The following SCFD2 variants were observed in gnomAD, a reference collection of about 807,000 sequenced individuals.
SCFD2 encodes sec1 family domain containing 2.
A neutral mutation model predicts 58.9 loss-of-function variants in SCFD2; 54 were observed. That is an observed-to-expected ratio of 0.92 (90% CI 0.74 to 1.15). The LOEUF (loss-of-function observed/expected upper bound fraction) is 1.15. SCFD2 is among the 50% of genes most tolerant of loss of function. The probability of loss-of-function intolerance (pLI) is 0.00; values close to 1 mark genes in which losing one functional copy is unlikely to be tolerated. For synonymous variants in SCFD2, 321 were observed against 335.9 expected, an observed-to-expected ratio of 0.96 and a Z score of 0.49; for missense variants, 805 against 836.6, an observed-to-expected ratio of 0.96 and a Z score of 0.47.
rs145004802 is a variant in SCFD2 at position 53,203,886 on chromosome 4, G to C, written c.1312-58304C>G. 3.5e-3 allele frequency among the ~76,000 whole-genome samples: 536 copies of C among 152,230 alleles called. 7 individuals carry two copies. Among genetic ancestry groups the C allele is most frequent in the African/African-American group, 0.013 (523 of 41,510 alleles). On this transcript the variant is annotated intron_variant, in intron 4 of 8. Transcript: ENST00000401642. Reference sequence around the variant, plus strand: ...CACTCAGCAGGAGGTTTCGTATCTGGAGAGAGTAAAATCACATTTTGGTCT... The same window carrying C: ...CACTCAGCAGGAGGTTTCGTATCTGCAGAGAGTAAAATCACATTTTGGTCT...
intron 8 of SCFD2, among the ~76,000 whole-genome samples, chr4:52,874,951 C>A (rs966745270): frequency 1.3e-5 from 2 of 152,190 alleles, no homozygotes; most frequent in African/African-American, 4.8e-5. Context: ...TTGTTAATTT[C>A]TATGATGTGC....
chr4:53,008,422 G>A (rs7688198), intron 5 of SCFD2, among the ~76,000 whole-genome samples: 70,983 of 151,944 alleles, frequency 0.47, 16,810 homozygotes, highest in African/African-American at 0.49. Flanking sequence ...GAAAGATGAA[G>A]CAAAAGGAGA....
At chr4:53,041,092 C>T (rs908812146) in intron 5 of SCFD2, among the ~76,000 whole-genome samples, 5 of 152,140 alleles carry the variant, frequency 3.3e-5, no homozygotes, top group East Asian at 3.8e-4. Flanking sequence ...GCAGCATATC[C>T]GTGCCATATG....
At chr4:52,980,420 C>T (rs760464960) in intron 5 of SCFD2, among the ~76,000 whole-genome samples, 1 of 152,152 alleles carries the variant, frequency 6.6e-6, no homozygotes, top group African/African-American at 2.4e-5. Context: ...CAGAGCATGA[C>T]TCAAACAGTG....
intron 5 of SCFD2, among the ~76,000 whole-genome samples, chr4:53,115,984 A>G (rs756298861): frequency 1.3e-5 from 2 of 152,122 alleles, no homozygotes; most frequent in Non-Finnish European, 2.9e-5. Flanking sequence ...TACTCTGCCC[A>G]TGAGCATTGG....
At chr4:53,191,963 T>C (rs925885213) in intron 4 of SCFD2, among the ~76,000 whole-genome samples, 8 of 152,168 alleles carry the variant, frequency 5.3e-5, no homozygotes, top group Admixed American at 4.6e-4. Context: ...TGTCCCCACA[T>C]GCCTTAACAG....
intron 2 of SCFD2, among the ~76,000 whole-genome samples, chr4:53,327,566 A>C (rs1432401222): frequency 1.3e-5 from 2 of 152,180 alleles, no homozygotes; most frequent in African/African-American, 4.8e-5. Context: ...CTCCATGCAG[A>C]GCATGGGGCA....
intron 4 of SCFD2, among the ~76,000 whole-genome samples, chr4:53,160,876 T>G (rs1726832509): frequency 6.6e-6 from 1 of 152,160 alleles, no homozygotes; most frequent in Non-Finnish European, 1.5e-5. Flanking sequence ...TAGTGAGAAA[T>G]AGTGAAGTCC....
intron 4 of SCFD2, among the ~76,000 whole-genome samples, chr4:53,241,539 T>C (rs1312639180): frequency 2.0e-5 from 3 of 152,150 alleles, no homozygotes; most frequent in Non-Finnish European, 4.4e-5. Context: ...AGCAGCGTGC[T>C]CCAGTAGAGC....
At chr4:52,897,273 G>T (rs1318495477) in intron 7 of SCFD2, among the ~76,000 whole-genome samples, 1 of 152,188 alleles carries the variant, frequency 6.6e-6, no homozygotes, top group African/African-American at 2.4e-5. Flanking sequence ...TGCCCATTCA[G>T]TATGATATTG....
chr4:53,177,857 C>A (rs1727392463), intron 4 of SCFD2, among the ~76,000 whole-genome samples: 1 of 152,238 alleles, frequency 6.6e-6, no homozygotes, highest in Non-Finnish European at 1.5e-5. Context: ...GAGATTATAT[C>A]CTGCACCTGG....
intron 6 of SCFD2, among the ~76,000 whole-genome samples, chr4:52,913,192 A>T (rs1156690698): frequency 6.6e-6 from 1 of 151,516 alleles, no homozygotes; most frequent in Non-Finnish European, 1.5e-5. Flanking sequence ...TTCCTGCTAC[A>T]CCAGGGATCC....
intron 4 of SCFD2, among the ~76,000 whole-genome samples, chr4:53,255,841 GC>G (rs1315008008): frequency 1.3e-5 from 2 of 149,250 alleles, no homozygotes; most frequent in African/African-American, 4.9e-5. Flanking sequence ...CGGGCGGGGG[GC>G]TGACCCCCCC....
At chr4:53,318,687 G>GAAAACATA (rs1732934642) in intron 2 of SCFD2, among the ~76,000 whole-genome samples, 1 of 150,996 alleles carries the variant, frequency 6.6e-6, no homozygotes, top group South Asian at 2.1e-4. Context: ...GGAACAGCTG[G>GAAAACATA]TCAACATCTT....
intron 4 of SCFD2, among the ~76,000 whole-genome samples, chr4:53,227,689 T>C (rs1577865840): frequency 6.6e-6 from 1 of 151,988 alleles, no homozygotes; most frequent in Admixed American, 6.6e-5. Context: ...GGCTGGAAAA[T>C]GGCAAATAAG....
chr4:52,886,137 T>C (rs1050261670), intron 7 of SCFD2, among the ~76,000 whole-genome samples: 1 of 152,192 alleles, frequency 6.6e-6, no homozygotes, highest in Non-Finnish European at 1.5e-5. Context: ...TCCCTACCCT[T>C]CACCTATTTT....
At chr4:52,989,438 T>C (rs768002378) in intron 5 of SCFD2, among the ~76,000 whole-genome samples, 6 of 152,198 alleles carry the variant, frequency 3.9e-5, no homozygotes, top group Non-Finnish European at 5.9e-5. Flanking sequence ...TATTATATGA[T>C]AGTGTTTCAG....
chr4:53,105,220 A>G (rs1405347653), intron 5 of SCFD2, among the ~76,000 whole-genome samples: 1 of 152,024 alleles, frequency 6.6e-6, no homozygotes, highest in Non-Finnish European at 1.5e-5. Flanking sequence ...CCGTGCCTAC[A>G]CCACCAGTGC....
intron 5 of SCFD2, among the ~76,000 whole-genome samples, chr4:53,013,193 A>C (rs1722137559): frequency 6.6e-6 from 1 of 152,242 alleles, no homozygotes; most frequent in Non-Finnish European, 1.5e-5. Context: ...GTACTTTCCC[A>C]GGACTCCTTG....
Sources: gnomAD v4.1 joint callset for allele counts (sites outside exome capture counted in the v4.1 genomes callset) on GRCh38, gnomAD v4.1.1 for gene constraint, MANE v1.5 for transcripts, NCBI Gene and HGNC (gene_info 2026-07-23, HGNC 2026-07-21) for gene names.